Variants in NECTIN2 observed in about 807,000 individuals in gnomAD.
NECTIN2 encodes nectin-2.
Under a neutral mutation model 56.9 loss-of-function variants are expected in NECTIN2, and 23 were observed. The observed-to-expected ratio is 0.40, with a 90% CI of 0.29 to 0.57. NECTIN2 has a LOEUF of 0.57. NECTIN2 is among the 20% of genes least tolerant of loss of function. The pLI, the probability that NECTIN2 is intolerant of heterozygous loss-of-function variation, is 0.38. For missense variants in NECTIN2, 587 were observed against 718.3 expected (o/e 0.82, Z 2.09); for synonymous variants, 302 against 313.8 (o/e 0.96, Z 0.40).
At chr19:44,885,822 A>AT in intron 6 of NECTIN2, 115 bp from the exon 7 acceptor site, 1 of 839,594 alleles carries the variant, frequency 1.2e-6, no homozygotes, top group Non-Finnish European at 2.0e-6. Flanking sequence ...TCCAGGCAAG[A>AT]AAAGGGGGCA....
intron 6 of NECTIN2, among the ~76,000 whole-genome samples, chr19:44,884,703 G>A (rs1969341253): frequency 6.6e-6 from 1 of 152,180 alleles, no homozygotes; most frequent in Non-Finnish European, 1.5e-5. Flanking sequence ...AGTTGAGCAA[G>A]CTCTGAGAAG....
In NECTIN2 at chr19:44,882,032, G is replaced by A. The variant is rs531265261; in HGVS notation, c.1043-179G>A. Reference sequence around the variant, plus strand: ...TTTGTTCTCCACTCATCTCCCATGCGGGGCACACATCCTCGCTCCTTCCTC... The same window carrying A: ...TTTGTTCTCCACTCATCTCCCATGCAGGGCACACATCCTCGCTCCTTCCTC... On this transcript the variant is annotated intron_variant, in intron 5 of 8. Transcript: ENST00000252483. The A allele has an allele frequency of 3.1e-5, 14 of 448,816 alleles. No homozygotes were observed. In the South Asian group the frequency reaches 8.3e-4, roughly 27 times the overall value. 27.8% of individuals were successfully genotyped at this position (448,816 alleles called of 1,614,324 possible). A position where few individuals can be genotyped will look rare whatever the true frequency, so the allele number is the denominator to read the frequency against.
At chr19:44,853,532 A>C (rs1282467815) in intron 1 of NECTIN2, among the ~76,000 whole-genome samples, 1 of 133,428 alleles carries the variant, frequency 7.5e-6, no homozygotes, top group Non-Finnish European at 1.6e-5. Flanking sequence ...TCTGTCCCCC[A>C]GGCTGGAGTG....
intron 1 of NECTIN2, among the ~76,000 whole-genome samples, chr19:44,852,606 A>G (rs967685923): frequency 5.3e-5 from 8 of 151,452 alleles, no homozygotes; most frequent in African/African-American, 1.9e-4. Context: ...TGCACTTTCT[A>G]GCAGGATCCT....
intron 3 of NECTIN2, among the ~76,000 whole-genome samples, chr19:44,872,460 A>T (rs938627230): frequency 1.3e-5 from 2 of 152,154 alleles, no homozygotes; most frequent in Non-Finnish European, 2.9e-5. Context: ...CGGTAGCTTG[A>T]AATCAACCTT....
intron 1 of NECTIN2, among the ~76,000 whole-genome samples, chr19:44,850,322 C>T (rs1016778244): frequency 7.2e-5 from 11 of 151,996 alleles, no homozygotes; most frequent in African/African-American, 2.2e-4. Context: ...AGATAAGAGA[C>T]GCTAAGAGAC....
chr19:44,876,238 A>G (rs959974484), intron 5 of NECTIN2, among the ~76,000 whole-genome samples: 1 of 152,076 alleles, frequency 6.6e-6, no homozygotes, highest in African/African-American at 2.4e-5. Context: ...TAGCACACCC[A>G]GGGGAGGGTC....
Position 44,874,073 on chromosome 19 carries a change from C to T in NECTIN2, c.893+40C>T, listed in dbSNP as rs1447278841. 8 of 1,520,824 alleles carry T rather than the reference C, an allele frequency of 5.3e-6. 1 individual carries two copies. The highest frequency in any genetic ancestry group is 2.3e-5 in the East Asian group (1 of 44,290). 94.2% of individuals were successfully genotyped at this position (1,520,824 alleles called of 1,614,324 possible). A position where few individuals can be genotyped will look rare whatever the true frequency, so the allele number is the denominator to read the frequency against. ...CTCAGAACCCTGGGTCTGAGGGAGG[C>T]GGGGCTGGGGGCCTGGACTCCTGGA... On this transcript the variant is annotated intron_variant, in intron 4 of 8. Transcript: ENST00000252483. The surrounding 1 kb of genome is among the most constrained non-coding windows in gnomAD (Gnocchi z 6.3).
rs1396112779 is a variant in NECTIN2 at position 44,874,316 on chromosome 19, C to T, written c.894-14C>T. ...ACCTTGGTATCCCTCTCACCTGACCCCACACCCCTCCAGGACCTCAGGCAC... is the reference window on the plus strand; with the variant it reads ...ACCTTGGTATCCCTCTCACCTGACCTCACACCCCTCCAGGACCTCAGGCAC... On this transcript the variant is annotated splice_polypyrimidine_tract_variant and intron_variant, in intron 4 of 8. Coordinates refer to ENST00000252483, the MANE Select transcript of NECTIN2 (RefSeq NM_001042724.2). The surrounding 1 kb of genome is among the most constrained non-coding windows in gnomAD (Gnocchi z 6.3). 12 of 1,613,510 alleles carry T rather than the reference C, an allele frequency of 7.4e-6. No individual in the cohort carries two copies. The highest frequency in any genetic ancestry group is 2.2e-5 in the East Asian group (1 of 44,884).
At chr19:44,868,403 G>A (rs1969128171) in intron 2 of NECTIN2, among the ~76,000 whole-genome samples, 1 of 148,936 alleles carries the variant, frequency 6.7e-6, no homozygotes, top group South Asian at 2.1e-4. Flanking sequence ...ACTGATACTT[G>A]GCAAAAATAG....
Position 44,886,114 on chromosome 19 carries a change from C to A in NECTIN2, c.1261-19C>A. On this transcript the variant is annotated intron_variant, in intron 7 of 8. Coordinates refer to ENST00000252483, the MANE Select transcript of NECTIN2 (RefSeq NM_001042724.2). Reference sequence around the variant, plus strand: ...TGGTGGGGGCAGTTCCTGACCTCCCCGCCCCTCTCCCACTACAGCCCTCCC... The same window carrying A: ...TGGTGGGGGCAGTTCCTGACCTCCCAGCCCCTCTCCCACTACAGCCCTCCC... 6.3e-7 allele frequency: 1 copy of A among 1,599,770 alleles called. No homozygotes were observed. The highest frequency in any genetic ancestry group is 8.6e-7 in the Non-Finnish European group (1 of 1,167,438).
Position 44,871,870 on chromosome 19 carries a change from G to C in NECTIN2, c.496G>C (p.Ala166Pro). 6.2e-7 allele frequency: 1 copy of C among 1,613,100 alleles called. No individual in the cohort carries two copies. ...CTCCCCAGCCAAGCCCAAGAACCAA[G>C]CTGAGGCCCAGAAGGTCACGTTCAG... ...LRVIAKPKNQ[A>P]EAQKVTFSQD... Residue 166 changes from alanine to proline, a missense_variant, in exon 3 of 9, where the codon GCT becomes CCT. Coordinates refer to ENST00000252483, the MANE Select transcript of NECTIN2 (RefSeq NM_001042724.2).
At chr19:44,851,185 C>G (rs1968895256) in intron 1 of NECTIN2, among the ~76,000 whole-genome samples, 1 of 146,630 alleles carries the variant, frequency 6.8e-6, no homozygotes, top group African/African-American at 2.6e-5. Context: ...CTCTCTCAGA[C>G]CCAGGAGTCC....
intron 2 of NECTIN2, among the ~76,000 whole-genome samples, chr19:44,870,723 T>C (rs563371422): frequency 5.3e-5 from 8 of 151,680 alleles, no homozygotes; most frequent in African/African-American, 1.7e-4. Context: ...TTGCTTTTTT[T>C]TTTTCCTTTT....
At position 44,874,636 on chromosome 19, in the gene NECTIN2, C is replaced by T. The variant is rs375665819; in HGVS notation, c.1042+158C>T. On this transcript the variant is annotated intron_variant, in intron 5 of 8. Coordinates refer to ENST00000252483, the MANE Select transcript of NECTIN2 (RefSeq NM_001042724.2). This position sits in a 1 kb window ranked among gnomAD's most constrained non-coding sequence, Gnocchi z 6.3. ...GGGAGATGAGGGTTGGCCTTCCCCT[C>T]GTGGCCTCAGACTGGGGTCTGGATT... 77 of 894,160 alleles carry T rather than the reference C, an allele frequency of 8.6e-5. No homozygotes were observed. The East Asian group carries it at 1.2e-3, about 14-fold the overall frequency. 55.4% of individuals were successfully genotyped at this position (894,160 alleles called of 1,614,324 possible). A position where few individuals can be genotyped will look rare whatever the true frequency, so the allele number is the denominator to read the frequency against.
chr19:44,872,045 C>G lies in NECTIN2; in HGVS notation c.671C>G (p.Thr224Ser). 6.2e-7 allele frequency: 1 copy of G among 1,614,202 alleles called. No individual in the cohort carries two copies. The highest frequency in any genetic ancestry group is 8.5e-7 in the Non-Finnish European group (1 of 1,180,046). ...AGTVTVTSRF[T>S]LVPSGRADGV... ...ACTGTCACTGTCACCAGCCGCTTCA[C>G]CTTGGTGCCCTCGGGCCGAGCAGAT... is the stretch of plus-strand genomic sequence containing the variant. The change falls in exon 3 of 9, where the codon ACC becomes AGC. Residue 224 changes from threonine (T) to serine (S), a missense_variant. Coordinates refer to ENST00000252483, the MANE Select transcript of NECTIN2 (RefSeq NM_001042724.2).
At chr19:44,872,705 G>A (rs1043468379) in intron 3 of NECTIN2, among the ~76,000 whole-genome samples, 2 of 151,574 alleles carry the variant, frequency 1.3e-5, no homozygotes, top group African/African-American at 2.4e-5. Context: ...CCATACTTCT[G>A]CCTTGACTTC....
intron 1 of NECTIN2, among the ~76,000 whole-genome samples, chr19:44,858,200 C>T (rs1208317275): frequency 1.3e-5 from 2 of 152,120 alleles, no homozygotes; most frequent in African/African-American, 4.8e-5. Context: ...CTGGAAAAGC[C>T]TCATTTTTCC....
intron 8 of NECTIN2, among the ~76,000 whole-genome samples, chr19:44,887,122 G>C (rs1313502225): frequency 6.6e-6 from 1 of 152,120 alleles, no homozygotes; most frequent in Non-Finnish European, 1.5e-5. Flanking sequence ...GGCTGAGACG[G>C]GCAGATCACC....
Sources: allele counts gnomAD v4.1 joint callset (sites outside exome capture counted in the v4.1 genomes callset), GRCh38; gene constraint gnomAD v4.1.1; non-coding constraint Gnocchi (gnomAD v3.1); transcripts MANE v1.5; gene names NCBI Gene and HGNC (gene_info 2026-07-23, HGNC 2026-07-21).